Variants in YES1 observed in about 807,000 individuals in gnomAD.
The protein encoded by YES1 is YES proto-oncogene 1, Src family tyrosine kinase, also known as tyrosine-protein kinase Yes.
YES1 carries 39 observed loss-of-function variants against 70.4 expected under a neutral mutation model. The observed-to-expected ratio is 0.55, with a 90% confidence interval of 0.43 to 0.72. The LOEUF is 0.72. Ranked by LOEUF, YES1 falls within the 30% of genes least tolerant of loss-of-function variation. The pLI, the probability that YES1 is intolerant of heterozygous loss-of-function variation, is 0.00. For synonymous variants in YES1, 198 were observed against 218.6 expected, an observed-to-expected ratio of 0.91 and a Z score of 0.83; for missense variants, 495 against 644.8, an observed-to-expected ratio of 0.77 and a Z score of 2.52.
intron 4 of YES1, among the ~76,000 whole-genome samples, chr18:747,447 C>T (rs988369947): frequency 5.3e-5 from 8 of 152,080 alleles, no homozygotes; most frequent in East Asian, 1.9e-4. Context: ...CTAGCCTGGG[C>T]GACAGAGCCA....
intron 2 of YES1, 30 bp from the exon 3 acceptor site, chr18:751,834 T>C: frequency 8.0e-7 from 1 of 1,257,392 alleles, no homozygotes. Context: ...CCAAGGTAAA[T>C]TATGTAGCTA....
At chr18:809,769 AAAC>A (rs1426961579) in intron 1 of YES1, among the ~76,000 whole-genome samples, 3 of 152,306 alleles carry the variant, frequency 2.0e-5, no homozygotes, top group Admixed American at 1.3e-4. Context: ...TTCCTTAAAA[AAAC>A]AACAACAAAT....
intron 1 of YES1, among the ~76,000 whole-genome samples, chr18:809,623 C>T (rs1451116169): frequency 1.3e-5 from 2 of 152,134 alleles, no homozygotes; most frequent in African/African-American, 4.8e-5. Context: ...AGTAGTTATA[C>T]ATACAGCTGG....
chr18:766,742 A>G (rs577798707), intron 1 of YES1, among the ~76,000 whole-genome samples: 1 of 152,204 alleles, frequency 6.6e-6, no homozygotes, highest in East Asian at 1.9e-4. Flanking sequence ...TGTTCAAATC[A>G]GTTTTTAAAC....
chr18:804,572 TG>T (rs1462577304), intron 1 of YES1, among the ~76,000 whole-genome samples: 1 of 126,738 alleles, frequency 7.9e-6, no homozygotes, highest in Admixed American at 9.6e-5. Flanking sequence ...ATTGCACCAC[TG>T]CACTCCAGCC....
intron 4 of YES1, among the ~76,000 whole-genome samples, 178 bp downstream of exon 4, chr18:747,742 T>G (rs982340275): frequency 1.3e-5 from 2 of 152,320 alleles, no homozygotes; most frequent in East Asian, 3.9e-4. Flanking sequence ...ATGATCCTAC[T>G]CTAAGTGAAT....
chr18:776,407 T>C (rs1905387593), intron 1 of YES1, among the ~76,000 whole-genome samples: 3 of 152,148 alleles, frequency 2.0e-5, no homozygotes. Flanking sequence ...AGTCTCTCAC[T>C]GTGATTTTAA....
At chr18:796,236 G>C (rs1906538005) in intron 1 of YES1, among the ~76,000 whole-genome samples, 1 of 152,152 alleles carries the variant, frequency 6.6e-6, no homozygotes, top group Admixed American at 6.5e-5. Flanking sequence ...GAGTCACAAA[G>C]TTAGGTTACA....
chr18:747,939 C>G lies in YES1; in HGVS notation c.451G>C (p.Asp151His), dbSNP rs1323471649. ...CCATACTCTTCTGCCTGAATGGAAT[C>G]TGCAGGCGCTACATAATTGCTCGGG... is the stretch of plus-strand genomic sequence containing the variant. ...YIPSNYVAPA[D>H]SIQAEEWYFG... The change falls in exon 4 of 12, where the codon GAT (aspartate) becomes CAT (histidine). Residue 151 changes from aspartate to histidine, a missense_variant. Coordinates refer to ENST00000314574, the MANE Select transcript of YES1 (RefSeq NM_005433.4). The G allele has an allele frequency of 6.2e-7, 1 of 1,613,590 alleles. No individual in the cohort carries two copies. Among genetic ancestry groups the G allele is most frequent in the South Asian group, 1.1e-5 (1 of 91,074 alleles).
chr18:805,455 G>T (rs945494476), intron 1 of YES1, among the ~76,000 whole-genome samples: 1 of 152,200 alleles, frequency 6.6e-6, no homozygotes, highest in African/African-American at 2.4e-5. Flanking sequence ...TGACTATATT[G>T]TAACAACTTC....
intron 1 of YES1, among the ~76,000 whole-genome samples, chr18:762,552 T>C (rs1904646498): frequency 6.6e-6 from 1 of 151,504 alleles, no homozygotes; most frequent in South Asian, 2.1e-4. Context: ...AATAAAAAAA[T>C]AAAACATTTA....
intron 11 of YES1, among the ~76,000 whole-genome samples, chr18:732,184 A>T (rs1408165491): frequency 1.3e-5 from 2 of 152,044 alleles, no homozygotes; most frequent in African/African-American, 4.8e-5. Context: ...CACGCCTGTA[A>T]TCCCAGCACT....
chr18:740,276 A>C (rs1029670382), intron 8 of YES1, among the ~76,000 whole-genome samples: 2 of 152,230 alleles, frequency 1.3e-5, no homozygotes, highest in Non-Finnish European at 2.9e-5. Flanking sequence ...ATAACAGCAA[A>C]GAAAAAGGCT....
chr18:731,927 A>G (rs1198224690), intron 11 of YES1, among the ~76,000 whole-genome samples: 10 of 138,652 alleles, frequency 7.2e-5, no homozygotes, highest in Non-Finnish European at 1.5e-5. Context: ...AGATCGTGCC[A>G]CTGCACTCCA....
chr18:743,473 G>T, intron 6 of YES1, 58 bp from the exon 7 acceptor site: 1 of 1,364,912 alleles, frequency 7.3e-7, no homozygotes, highest in Non-Finnish European at 9.9e-7. Context: ...GGGGCATATA[G>T]TGTATCAATG....
intron 8 of YES1, among the ~76,000 whole-genome samples, chr18:741,180 G>A (rs1444344740): frequency 6.6e-6 from 1 of 151,930 alleles, no homozygotes; most frequent in East Asian, 1.9e-4. Context: ...TTGGAGGCAT[G>A]AACCACTGTG....
chr18:794,590 T>C (rs563727309), intron 1 of YES1, among the ~76,000 whole-genome samples: 1 of 152,148 alleles, frequency 6.6e-6, no homozygotes, highest in Non-Finnish European at 1.5e-5. Flanking sequence ...ATAACAAATT[T>C]ATTATGTCAT....
At chr18:777,806 TAAAA>T (rs35073440) in intron 1 of YES1, among the ~76,000 whole-genome samples, 1 of 129,280 alleles carries the variant, frequency 7.7e-6, no homozygotes, top group African/African-American at 2.9e-5. Flanking sequence ...GACTCTGGCT[TAAAA>T]AAAAAAAAAA....
At chr18:741,162 C>A (rs534241658) in intron 8 of YES1, among the ~76,000 whole-genome samples, 1 of 152,086 alleles carries the variant, frequency 6.6e-6, no homozygotes, top group African/African-American at 2.4e-5. Context: ...CCTCCCAAAG[C>A]GCTGGGATTG....
Sources: gnomAD v4.1 joint callset for allele counts (sites outside exome capture counted in the v4.1 genomes callset) on GRCh38, gnomAD v4.1.1 for gene constraint, MANE v1.5 for transcripts, NCBI Gene and HGNC (gene_info 2026-07-23, HGNC 2026-07-21) for gene names.